The following PTK2 variants were observed in gnomAD, a reference collection of about 807,000 sequenced individuals.
PTK2 encodes protein tyrosine kinase 2.
A neutral mutation model predicts 150.1 loss-of-function variants in PTK2; 45 were observed. That is an observed-to-expected ratio of 0.30 (90% CI 0.24 to 0.38). The LOEUF (loss-of-function observed/expected upper bound fraction) is 0.38. Ranked by LOEUF, PTK2 falls within the 10% of genes least tolerant of loss-of-function variation. The pLI is 1.00. For missense variants in PTK2, 919 were observed against 1,307.3 expected (o/e 0.70, Z 4.58); for synonymous variants, 432 against 449.2 (o/e 0.96, Z 0.48).
At chr8:140,735,360 A>G in exon 22 of PTK2, 2 of 1,614,084 alleles carry the variant, frequency 1.2e-6, no homozygotes, top group Non-Finnish European at 1.7e-6. Context: ...GGCATTGGTA[A>G]TCTTTCCCCA....
At chr8:140,709,047 T>C (rs1443676850) in intron 23 of PTK2, among the ~76,000 whole-genome samples, 1 of 152,100 alleles carries the variant, frequency 6.6e-6, no homozygotes, top group African/African-American at 2.4e-5. Context: ...TTTGATAATT[T>C]TGATCACCAC....
chr8:140,996,117 C>A (rs183988158), intron 1 of PTK2, among the ~76,000 whole-genome samples: 9 of 152,116 alleles, frequency 5.9e-5, no homozygotes, highest in Admixed American at 5.9e-4. Flanking sequence ...AAGAAAACAG[C>A]CTTATTGTTG....
chr8:140,749,215 A>G (rs2100061298), intron 17 of PTK2, among the ~76,000 whole-genome samples: 1 of 152,198 alleles, frequency 6.6e-6, no homozygotes, highest in African/African-American at 2.4e-5. Context: ...AATCCAAAAC[A>G]TATAATTAAA....
intron 14 of PTK2, among the ~76,000 whole-genome samples, 153 bp from the exon 16 acceptor site, chr8:140,769,745 T>G (rs1224882266): frequency 6.6e-6 from 1 of 152,198 alleles, no homozygotes; most frequent in East Asian, 1.9e-4. Flanking sequence ...CCCCAGGGTT[T>G]AATTCAAAAG....
At chr8:140,792,870 C>T (rs947662374) in intron 13 of PTK2, among the ~76,000 whole-genome samples, 2 of 152,120 alleles carry the variant, frequency 1.3e-5, no homozygotes, top group South Asian at 4.2e-4. Flanking sequence ...TATCTTAGTC[C>T]CCAGTTCCTA....
chr8:140,672,289 G>C, intron 29 of PTK2: 1 of 335,986 alleles, frequency 3.0e-6, no homozygotes, highest in South Asian at 2.3e-5. Context: ...TCAGCCTCCC[G>C]AGTAGCTGGG....
intron 26 of PTK2, among the ~76,000 whole-genome samples, chr8:140,692,226 T>G (rs2100023574): frequency 6.6e-6 from 1 of 152,318 alleles, no homozygotes; most frequent in Admixed American, 6.5e-5. Context: ...ATACTTGAGC[T>G]TTTTCTTTTC....
At chr8:140,744,265 A>T (rs1290550638) in intron 19 of PTK2, among the ~76,000 whole-genome samples, 2 of 152,066 alleles carry the variant, frequency 1.3e-5, no homozygotes, top group African/African-American at 4.8e-5. Context: ...TGTCCTGGAG[A>T]GTTCCAGGAC....
rs1325535246 is a variant in PTK2 at position 140,972,482 on chromosome 8, C to CT, written c.-122+28642dup. Among the ~76,000 whole-genome samples, 8 of 152,302 alleles carry CT rather than the reference C, an allele frequency of 5.3e-5. No homozygotes were observed. In the East Asian group the frequency reaches 1.4e-3, roughly 26 times the overall value. On this transcript the variant is annotated intron_variant, in intron 1 of 31. Coordinates refer to ENST00000522684, the Ensembl canonical transcript of PTK2. ...GTTTCACCATGTTGGCCAGGCTGGT[C>CT]TTTAACTCCTGACCTCAAGTGATCT...
Position 140,760,215 on chromosome 8 carries a change from C to T in PTK2, c.1332+950G>A, listed in dbSNP as rs563711554. ...CCAGCCTGGCGACAGAGCAAGACTC[C>T]GTCTCACCAAAAAACAAAACAAAAC... On this transcript the variant is annotated intron_variant, in intron 16 of 31. Coordinates refer to ENST00000522684, the Ensembl canonical transcript of PTK2. Among the ~76,000 whole-genome samples, 183 of 152,014 alleles carry T rather than the reference C, an allele frequency of 1.2e-3. 2 individuals are homozygous for T. Among genetic ancestry groups the T allele is most frequent in the African/African-American group, 4.2e-3 (173 of 41,504 alleles).
upstream of PTK2, among the ~76,000 whole-genome samples, chr8:141,001,629 G>A (rs1344784715): frequency 1.3e-5 from 2 of 152,128 alleles, no homozygotes; most frequent in African/African-American, 2.4e-5. Context: ...CGGACTTCGG[G>A]AAAGTCCTCC....
chr8:140,731,304 T>C (rs1442065553), intron 22 of PTK2, among the ~76,000 whole-genome samples: 1 of 152,098 alleles, frequency 6.6e-6, no homozygotes, highest in Non-Finnish European at 1.5e-5. Context: ...TCTTATAACC[T>C]GACAGTCATA....
chr8:140,901,809 C>T (rs191678114), intron 2 of PTK2, among the ~76,000 whole-genome samples: 4 of 152,070 alleles, frequency 2.6e-5, no homozygotes, highest in Non-Finnish European at 5.9e-5. Flanking sequence ...TCCCCTACCC[C>T]CAACAATCCT....
intron 7 of PTK2, among the ~76,000 whole-genome samples, chr8:140,844,325 T>C (rs1233050313): frequency 1.3e-5 from 2 of 152,232 alleles, no homozygotes; most frequent in African/African-American, 4.8e-5. Context: ...AGCCACTAAA[T>C]GTAGCTCATA....
chr8:140,980,981 CG>C (rs1172725569), intron 1 of PTK2, among the ~76,000 whole-genome samples: 4 of 109,956 alleles, frequency 3.6e-5, no homozygotes, highest in Admixed American at 2.6e-4. Flanking sequence ...AGGCTGGTCT[CG>C]AACTCTTCAC....
In PTK2 at chr8:140,855,594, C is replaced by CA. The variant is rs113057171; in HGVS notation, c.450+8717dup. On this transcript the variant is annotated intron_variant, in intron 5 of 31. Coordinates refer to ENST00000522684, the Ensembl canonical transcript of PTK2. Reference sequence around the variant, plus strand: ...TGGACAACAGAGCAAGACTCTGTCTCAAAAAAAACAAAAAAAGAAAACCTA... The same window carrying CA: ...TGGACAACAGAGCAAGACTCTGTCTCAAAAAAAAACAAAAAAAGAAAACCTA... Among the ~76,000 whole-genome samples, 564 of 149,878 alleles carry CA rather than the reference C, an allele frequency of 3.8e-3. 3 individuals carry two copies. Among genetic ancestry groups the CA allele is most frequent in the African/African-American group, 1.0e-2 (407 of 40,790 alleles).
intron 14 of PTK2, among the ~76,000 whole-genome samples, chr8:140,775,462 A>C (rs2100077871): frequency 6.6e-6 from 1 of 152,054 alleles, no homozygotes; most frequent in African/African-American, 2.4e-5. Context: ...TCCAGTCTGG[A>C]CAACGGAGTG....
intron 22 of PTK2, among the ~76,000 whole-genome samples, chr8:140,730,325 T>C (rs2100048462): frequency 6.6e-6 from 1 of 152,204 alleles, no homozygotes; most frequent in African/African-American, 2.4e-5. Flanking sequence ...TATTCACAAA[T>C]GGAACACTAT....
intron 26 of PTK2, 160 bp from the exon 30 acceptor site, chr8:140,686,854 G>T (rs2100020219): frequency 1.5e-6 from 1 of 653,928 alleles, no homozygotes; most frequent in South Asian, 1.8e-5. Context: ...GATAAATGAA[G>T]GTTGGCTGCC....
Sources: allele counts gnomAD v4.1 joint callset (sites outside exome capture counted in the v4.1 genomes callset), GRCh38; gene constraint gnomAD v4.1.1; transcripts MANE v1.5; gene names NCBI Gene and HGNC (gene_info 2026-07-23, HGNC 2026-07-21).